CIZ1: variants seen among roughly 807,000 people sequenced by gnomAD.
CIZ1 encodes cip1-interacting zinc finger protein.
In CIZ1, 58 loss-of-function variants were observed where a neutral mutation model predicts 118.6. That is an observed-to-expected ratio of 0.49 (90% CI 0.40 to 0.61). CIZ1 has a LOEUF of 0.61. CIZ1 is among the 20% of genes least tolerant of loss of function. CIZ1 has a pLI of 0.00. For missense variants in CIZ1, 921 were observed against 1,115.9 expected, an observed-to-expected ratio of 0.83 and a Z score of 2.49; for synonymous variants, 448 against 443.4, an observed-to-expected ratio of 1.01 and a Z score of -0.13.
chr9:128,182,105 G>A (rs1328206178), intron 5 of CIZ1, among the ~76,000 whole-genome samples: 2 of 152,142 alleles, frequency 1.3e-5, no homozygotes, highest in Non-Finnish European at 2.9e-5. Flanking sequence ...CAGTGGACAC[G>A]TGACCCACGT....
intron 6 of CIZ1, 83 bp from the exon 7 acceptor site, chr9:128,180,606 C>T (rs1338659394): frequency 2.7e-5 from 37 of 1,387,118 alleles, no homozygotes; most frequent in African/African-American, 6.0e-5. Context: ...CTGGGCTCCC[C>T]GCCTTCCCAC....
intron 11 of CIZ1, among the ~76,000 whole-genome samples, chr9:128,175,381 A>G (rs1299309751): frequency 1.3e-5 from 2 of 152,036 alleles, no homozygotes; most frequent in African/African-American, 4.8e-5. Context: ...GATTATTTCA[A>G]CCAAGTAGAA....
upstream of CIZ1, chr9:128,191,585 G>A: frequency 2.6e-6 from 3 of 1,149,874 alleles, no homozygotes; most frequent in Non-Finnish European, 3.2e-6. The surrounding 1 kb of genome is among the most constrained non-coding windows in gnomAD (Gnocchi z 5.5). Flanking sequence ...CCAAATGCGG[G>A]CGGGGCCGGC....
chr9:128,190,666 C>A, intron 2 of CIZ1, 22 bp downstream of exon 2: 1 of 1,546,614 alleles, frequency 6.5e-7, no homozygotes, highest in Non-Finnish European at 8.7e-7. Context: ...CTGAAGCCAT[C>A]GCGCCCGAGA....
In CIZ1 at chr9:128,166,249, G is replaced by A. The variant is rs1348038372; in HGVS notation, c.2645C>T (p.Ala882Val). Reference protein sequence around the residue: ...TQDKTPSKVTARPSQPPLPRR... With the variant: ...TQDKTPSKVTVRPSQPPLPRR... ...AGGTAGTGGGGGCTGGGAGGGTCGA[G>A]CCGTCACCTTGCTGGGTGTTTTGTC... Residue 882 changes from alanine (A) to valine (V), a missense_variant, in exon 17 of 17, where the codon GCT (alanine) becomes GTT (valine). Transcript: ENST00000372938. The surrounding 1 kb of genome is among the most constrained non-coding windows in gnomAD (Gnocchi z 4.4). 1 of 1,488,200 alleles carries A rather than the reference G, an allele frequency of 6.7e-7. No individual in the cohort carries two copies. The highest frequency in any genetic ancestry group is 9.0e-7 in the Non-Finnish European group (1 of 1,106,302). The allele number at this position is 1,488,200 out of a possible 1,614,324, so 92.2% of individuals were successfully genotyped here.
chr9:128,184,767 A>G (rs889135139), intron 5 of CIZ1, among the ~76,000 whole-genome samples: 1 of 152,112 alleles, frequency 6.6e-6, no homozygotes, highest in Non-Finnish European at 1.5e-5. Context: ...TCCTGGGTTC[A>G]AGCGATTCTC....
chr9:128,166,109 A>G lies in CIZ1; in HGVS notation c.*88T>C, dbSNP rs1227304883. On this transcript the variant is annotated 3_prime_UTR_variant, in exon 17 of 17. Coordinates refer to ENST00000372938, the MANE Select transcript of CIZ1 (RefSeq NM_001131016.2). The surrounding 1 kb of genome is among the most constrained non-coding windows in gnomAD (Gnocchi z 4.4). ...GTTTTATTGGATTTTGAGTAAAAAC[A>G]TGAACCATGTCAAAGTTTCCAGGCA... 4.2e-6 allele frequency: 4 copies of G among 946,004 alleles called. No individual in the cohort carries two copies. The African/African-American group carries it at 5.0e-5, about 12-fold the overall frequency. The allele number at this position is 946,004 out of a possible 1,614,324, so 58.6% of individuals were successfully genotyped here. A position where few individuals can be genotyped will look rare whatever the true frequency, so the allele number is the denominator to read the frequency against.
chr9:128,185,716 G>C lies in CIZ1; in HGVS notation c.419C>G (p.Pro140Arg), dbSNP rs755879444. Residue 140 changes from proline to arginine, a missense_variant, in exon 5 of 17, where the codon CCA becomes CGA. Coordinates refer to ENST00000372938, the MANE Select transcript of CIZ1 (RefSeq NM_001131016.2). ...PGLAAPSLTP[P>R]QLATPNLQQF... ...TTGCAAATTTGGAGTGGCCAGTTGT[G>C]GGGGTGTGAGGCTGGGGGCTGCGAG... 1 of 1,612,350 alleles carries C rather than the reference G, an allele frequency of 6.2e-7. No homozygotes were observed. Among genetic ancestry groups the C allele is most frequent in the African/African-American group, 1.3e-5 (1 of 74,906 alleles).
At chr9:128,189,646 C>G (rs946916755) in intron 3 of CIZ1, among the ~76,000 whole-genome samples, 1 of 151,750 alleles carries the variant, frequency 6.6e-6, no homozygotes, top group Non-Finnish European at 1.5e-5. Flanking sequence ...ATGGGGAAAC[C>G]CCGTCTCTAC....
chr9:128,191,869 C>CGCGGTCCT, upstream of CIZ1: 1 of 1,464,008 alleles, frequency 6.8e-7, no homozygotes, highest in Non-Finnish European at 9.0e-7. The surrounding 1 kb of genome is among the most constrained non-coding windows in gnomAD (Gnocchi z 5.5). Context: ...CTGCGGCCGC[C>CGCGGTCCT]GCGGTCCTGC....
chr9:128,194,254 C>T (rs1178555869), upstream of CIZ1, among the ~76,000 whole-genome samples: 2 of 147,554 alleles, frequency 1.4e-5, no homozygotes, highest in East Asian at 2.0e-4. Flanking sequence ...CCCAGCTACT[C>T]GGGAGGATGA....
At chr9:128,197,099 G>T (rs1368395850) in intron 1 of CIZ1, 2 of 152,198 alleles carry the variant, frequency 1.3e-5, no homozygotes, top group Non-Finnish European at 1.5e-5. Context: ...GCAATGTCGT[G>T]TGCCCTTGAT....
In CIZ1 at chr9:128,178,564, C is replaced by T. The variant is rs898775781; in HGVS notation, c.1499-74G>A. The T allele has an allele frequency of 6.2e-6, 10 of 1,608,532 alleles. No homozygotes were observed. In the Admixed American group the frequency reaches 1.0e-4, roughly 16 times the overall value. On this transcript the variant is annotated intron_variant, in intron 8 of 16. Coordinates refer to ENST00000372938, the MANE Select transcript of CIZ1 (RefSeq NM_001131016.2). ...CTGCCTTCTCCGTCCGCAGCCAGAA[C>T]CTTGAGGCCCCCAGCATGGATGGCC...
upstream of CIZ1, among the ~76,000 whole-genome samples, chr9:128,193,318 T>G (rs1243933339): frequency 1.3e-5 from 2 of 151,972 alleles, no homozygotes; most frequent in East Asian, 1.9e-4. Context: ...GAGAAGGGTG[T>G]GAACCTCATG....
Position 128,168,105 on chromosome 9 carries a change from C to G in CIZ1, c.2296-941G>C, listed in dbSNP as rs75246401. On this transcript the variant is annotated intron_variant, in intron 14 of 16. Transcript: ENST00000372938. ...AGCAGCCCCAGCTGGCCCCTCACCA[C>G]CCTGGACTATAACTGGGTCAGCCTT... Among the ~76,000 whole-genome samples, 1,194 of 152,352 alleles carry G rather than the reference C, an allele frequency of 7.8e-3. 19 individuals carry two copies. The highest frequency in any genetic ancestry group is 0.027 in the African/African-American group (1,132 of 41,576).
intron 12 of CIZ1, chr9:128,169,765 A>G: frequency 1.3e-6 from 2 of 1,487,484 alleles, no homozygotes; most frequent in Non-Finnish European, 9.1e-7. Context: ...GACGAGAGAG[A>G]GGGCAGCTGC....
chr9:128,187,446 T>C (rs12000854), intron 4 of CIZ1, among the ~76,000 whole-genome samples: 29 of 152,340 alleles, frequency 1.9e-4, no homozygotes, highest in African/African-American at 6.3e-4. Context: ...CTCTGTGACC[T>C]TGAACAAATC....
chr9:128,178,644 A>G, intron 8 of CIZ1, 65 bp downstream of exon 8: 1 of 1,579,974 alleles, frequency 6.3e-7, no homozygotes, highest in East Asian at 2.2e-5. Context: ...CAGTCAGGGG[A>G]GGAATGAAGG....
In CIZ1 at chr9:128,178,988, C is replaced by A; in HGVS notation, c.1219G>T (p.Val407Leu). The change falls in exon 8 of 17, where the codon GTG becomes TTG. Residue 407 changes from valine (V) to leucine (L), a missense_variant. Transcript: ENST00000372938. The stretch of plus-strand genomic sequence containing the variant: ...GGCTGTGAATGTGCCTGGGGCTGCA[C>A]CTGTGGCTGCACCTGCTTCAGCGGC... The part of the protein sequence containing the change: ...AEPLKQVQPQ[V>L]QPQAHSQPPR... 1.2e-6 allele frequency: 2 copies of A among 1,612,996 alleles called. No homozygotes were observed. The highest frequency in any genetic ancestry group is 1.7e-6 in the Non-Finnish European group (2 of 1,179,846).
Sources: gnomAD v4.1 joint callset for allele counts (sites outside exome capture counted in the v4.1 genomes callset) on GRCh38, gnomAD v4.1.1 for gene constraint, Gnocchi (gnomAD v3.1) non-coding constraint, MANE v1.5 for transcripts, NCBI Gene and HGNC (gene_info 2026-07-23, HGNC 2026-07-21) for gene names.